Variants in PTPN22 observed in about 807,000 individuals in gnomAD.
The protein encoded by PTPN22 is protein tyrosine phosphatase non-receptor type 22.
In PTPN22, 85 loss-of-function variants were observed where a neutral mutation model predicts 103.3. That is an observed-to-expected ratio of 0.82 (90% CI 0.69 to 0.99). PTPN22 has a LOEUF of 0.99. PTPN22 is among the 50% of genes least tolerant of loss of function. The probability of loss-of-function intolerance (pLI) is 0.00; values close to 1 mark genes in which losing one functional copy is unlikely to be tolerated. For synonymous variants in PTPN22, 323 were observed against 310.2 expected (o/e 1.04, Z -0.43); for missense variants, 865 against 936.9 (o/e 0.92, Z 1.00).
intron 11 of PTPN22, among the ~76,000 whole-genome samples, chr1:113,844,330 T>A (rs1264676069): frequency 1.3e-5 from 2 of 152,154 alleles, no homozygotes; most frequent in Admixed American, 1.3e-4. Flanking sequence ...GGCACATACC[T>A]GTAGTCCCAG....
intron 1 of PTPN22, among the ~76,000 whole-genome samples, chr1:113,861,408 T>A (rs948272340): frequency 6.6e-6 from 1 of 152,076 alleles, no homozygotes; most frequent in Non-Finnish European, 1.5e-5. Context: ...GCCTGGCCAA[T>A]TTTTTGTATT....
At chr1:113,842,208 T>C (rs1663613321) in intron 11 of PTPN22, among the ~76,000 whole-genome samples, 1 of 148,956 alleles carries the variant, frequency 6.7e-6, no homozygotes, top group Admixed American at 6.7e-5. Flanking sequence ...AGACCCTGAC[T>C]AAAAAAAAAG....
At chr1:113,871,439 CT>C in intron 1 of PTPN22, 97 bp downstream of exon 1, 1 of 967,072 alleles carries the variant, frequency 1.0e-6, no homozygotes, top group Non-Finnish European at 1.6e-6. Context: ...CTCATATTTA[CT>C]TTATCCCAAG....
exon 6 of PTPN22, chr1:113,856,582 A>G: frequency 1.2e-6 from 2 of 1,614,204 alleles, no homozygotes. Context: ...TTCCAGCTGC[A>G]TCTCTCCTGG....
chr1:113,818,852 G>A (rs1241409527), intron 20 of PTPN22, among the ~76,000 whole-genome samples: 1 of 152,138 alleles, frequency 6.6e-6, no homozygotes, highest in East Asian at 1.9e-4. Flanking sequence ...GCCACCTACA[G>A]TCTGCATGTG....
intron 18 of PTPN22, among the ~76,000 whole-genome samples, chr1:113,825,591 C>T (rs762704205): frequency 3.9e-5 from 6 of 152,112 alleles, no homozygotes; most frequent in Non-Finnish European, 8.8e-5. Context: ...GAGGCTGAGG[C>T]GGGAGGTCTG....
At position 113,859,556 on chromosome 1, in the gene PTPN22, ACCTCAAC is replaced by A. The variant is rs1174143821; in HGVS notation, c.88-103_88-97del. The stretch of plus-strand genomic sequence containing the variant: ...TCCTTTTCCACTGGCAAAACATTCT[ACCTCAAC>A]CCTTTTATTATCTTCTGGTTCTGAC... On this transcript the variant is annotated intron_variant, in intron 1 of 20. Coordinates refer to ENST00000359785, the Ensembl canonical transcript of PTPN22. 1.3e-5 allele frequency: 12 copies of A among 942,886 alleles called. No homozygotes were observed. In the Admixed American group the frequency reaches 2.4e-4, roughly 19 times the overall value. 58.4% of individuals were successfully genotyped at this position (942,886 alleles called of 1,614,324 possible). A position where few individuals can be genotyped will look rare whatever the true frequency, so the allele number is the denominator to read the frequency against.
At chr1:113,833,279 AT>A in intron 15 of PTPN22, 141 bp from the exon 16 acceptor site, 1 of 577,078 alleles carries the variant, frequency 1.7e-6, no homozygotes, top group African/African-American at 1.9e-5. Flanking sequence ...ATTTTTCCTA[AT>A]TTGTAAGTGT....
At chr1:113,837,610 T>C in exon 13 of PTPN22, 4 of 1,585,526 alleles carry the variant, frequency 2.5e-6, no homozygotes. Context: ...TGACTCCTGG[T>C]TCAATAGTGA....
intron 20 of PTPN22, among the ~76,000 whole-genome samples, chr1:113,816,774 T>C (rs2101855532): frequency 6.6e-6 from 1 of 152,102 alleles, no homozygotes; most frequent in East Asian, 1.9e-4. Context: ...CTGGGCATGG[T>C]GGCGGGTGCC....
At chr1:113,848,755 T>C in intron 10 of PTPN22, 129 bp from the exon 11 acceptor site, 1 of 840,564 alleles carries the variant, frequency 1.2e-6, no homozygotes, top group Non-Finnish European at 1.9e-6. Flanking sequence ...ACGATCGGCA[T>C]GTTATTAAAC....
At chr1:113,831,667 T>C (rs1662561209) in intron 16 of PTPN22, among the ~76,000 whole-genome samples, 1 of 152,204 alleles carries the variant, frequency 6.6e-6, no homozygotes. Context: ...ATTCCCTCCT[T>C]TTTTCTCTCT....
At chr1:113,846,241 C>A (rs1464574248) in intron 11 of PTPN22, among the ~76,000 whole-genome samples, 1 of 152,046 alleles carries the variant, frequency 6.6e-6, no homozygotes, top group Non-Finnish European at 1.5e-5. Context: ...CTCTTTCCTG[C>A]ATTTTTTAGA....
At chr1:113,863,096 G>T (rs372918443) in intron 1 of PTPN22, among the ~76,000 whole-genome samples, 2 of 151,962 alleles carry the variant, frequency 1.3e-5, no homozygotes, top group African/African-American at 4.8e-5. Context: ...GTTGTTGGTT[G>T]GTTGGTTGGT....
exon 18 of PTPN22, chr1:113,829,626 A>C: frequency 6.2e-7 from 1 of 1,606,646 alleles, no homozygotes; most frequent in Non-Finnish European, 8.5e-7. Context: ...AGGAGTCTTC[A>C]GTGTCTGTTT....
At chr1:113,819,542 AT>A (rs763581137) in intron 20 of PTPN22, 34 bp downstream of exon 20, 21 of 1,497,346 alleles carry the variant, frequency 1.4e-5, no homozygotes, top group South Asian at 3.6e-5. Flanking sequence ...AATTTAGGTA[AT>A]TTTTTTAACT....
At chr1:113,814,012 GGGAAGTCAGGT>G (rs1275477872) in exon 21 of PTPN22, 1 of 152,126 alleles carries the variant, frequency 6.6e-6, no homozygotes, top group East Asian at 1.9e-4. Flanking sequence ...AATGCATTAG[GGGAAGTCAGGT>G]GGATTCTTTG....
At chr1:113,814,222 A>G (rs1341217956) in exon 21 of PTPN22, 5 of 152,280 alleles carry the variant, frequency 3.3e-5, no homozygotes, top group African/African-American at 1.2e-4. Context: ...CTACCAAAAG[A>G]TAGCTATTAT....
At position 113,830,967 on chromosome 1, in the gene PTPN22, C is replaced by T. The variant is rs116458428; in HGVS notation, c.2054-938G>A. 6.2e-3 allele frequency among the ~76,000 whole-genome samples: 942 copies of T among 152,224 alleles called. 10 individuals carry two copies. The highest frequency in any genetic ancestry group is 0.022 in the African/African-American group (897 of 41,552). ...TTTCTTACATGCTAGGTAATACACACAAGTGTAGTACTTATTTCTAGCACC... is the reference window on the plus strand; with the variant it reads ...TTTCTTACATGCTAGGTAATACACATAAGTGTAGTACTTATTTCTAGCACC... On this transcript the variant is annotated intron_variant, in intron 16 of 20. Transcript: ENST00000359785.
Sources: gnomAD v4.1 joint callset for allele counts (sites outside exome capture counted in the v4.1 genomes callset) on GRCh38, gnomAD v4.1.1 for gene constraint, MANE v1.5 for transcripts, NCBI Gene and HGNC (gene_info 2026-07-23, HGNC 2026-07-21) for gene names.